UBXN2A: variants seen among roughly 807,000 people sequenced by gnomAD.
The protein encoded by UBXN2A is UBX domain-containing protein 2A.
Under a neutral mutation model 28.4 loss-of-function variants are expected in UBXN2A, and 28 were observed. That is an observed-to-expected ratio of 0.99 (90% CI 0.73 to 1.35). The LOEUF is 1.35. Ranked by LOEUF, UBXN2A falls within the 40% of genes most tolerant of loss-of-function variation. The probability of loss-of-function intolerance (pLI) is 0.00; values close to 1 mark genes in which losing one functional copy is unlikely to be tolerated. For missense variants in UBXN2A, 253 were observed against 297.9 expected (o/e 0.85, Z 1.11); for synonymous variants, 97 against 103.6 (o/e 0.94, Z 0.39).
At chr2:23,938,543 G>GCC (rs754560724), upstream of UBXN2A, among the ~76,000 whole-genome samples, 141 of 144,856 alleles carry the variant, frequency 9.7e-4, 2 homozygotes, top group South Asian at 1.8e-3. Context: ...AATCCCAGTG[G>GCC]CCCCCCCCTC....
intron 2 of UBXN2A, among the ~76,000 whole-genome samples, chr2:23,966,523 G>C (rs1172475626): frequency 2.0e-5 from 3 of 148,212 alleles, no homozygotes; most frequent in African/African-American, 7.5e-5. Flanking sequence ...CGTGATCTCA[G>C]CTCACTGCAA....
chr2:23,958,151 T>C (rs577920062), intron 1 of UBXN2A, 150 bp from the exon 2 acceptor site: 67 of 490,124 alleles, frequency 1.4e-4, no homozygotes, highest in Admixed American at 2.9e-4. Context: ...TTTTCTATCA[T>C]TGCTTTATTT....
chr2:23,967,889 T>C (rs574565679), intron 2 of UBXN2A, among the ~76,000 whole-genome samples: 1 of 152,130 alleles, frequency 6.6e-6, no homozygotes, highest in African/African-American at 2.4e-5. Flanking sequence ...GTTAAAGCAC[T>C]GCCCTGAGTA....
At chr2:23,963,029 G>C (rs2150846665) in intron 2 of UBXN2A, among the ~76,000 whole-genome samples, 1 of 152,344 alleles carries the variant, frequency 6.6e-6, no homozygotes. Flanking sequence ...AAGAGAGAGA[G>C]TTTGTGCAGG....
chr2:23,969,881 A>G (rs2150864431), intron 2 of UBXN2A, among the ~76,000 whole-genome samples: 1 of 152,330 alleles, frequency 6.6e-6, no homozygotes, highest in African/African-American at 2.4e-5. Flanking sequence ...TGAAGTGTGC[A>G]AAGGAACAAA....
At chr2:23,961,529 A>G (rs1706909712) in intron 2 of UBXN2A, among the ~76,000 whole-genome samples, 1 of 150,234 alleles carries the variant, frequency 6.7e-6, no homozygotes, top group Admixed American at 6.8e-5. Context: ...AAAAATGCAA[A>G]GAAAACTGCC....
At chr2:23,989,897 C>T (rs574431930) in intron 6 of UBXN2A, among the ~76,000 whole-genome samples, 74 of 152,136 alleles carry the variant, frequency 4.9e-4, no homozygotes, top group African/African-American at 1.7e-3. Context: ...AGAACCAGAC[C>T]TTGTCTCAAA....
intron 2 of UBXN2A, chr2:23,969,140 C>T (rs1040556489): frequency 2.0e-5 from 3 of 152,140 alleles, no homozygotes; most frequent in African/African-American, 7.2e-5. Context: ...ATCCGCCTGC[C>T]TCAGCCTCCC....
At chr2:23,992,520 G>A (rs532041363) in intron 6 of UBXN2A, among the ~76,000 whole-genome samples, 3 of 152,270 alleles carry the variant, frequency 2.0e-5, no homozygotes, top group Admixed American at 6.5e-5. Context: ...ACAATACCTC[G>A]GAAAGGAAGG....
intron 1 of UBXN2A, chr2:23,944,218 T>C (rs1250883335): frequency 8.9e-6 from 14 of 1,574,450 alleles, no homozygotes; most frequent in Non-Finnish European, 1.2e-5. Flanking sequence ...TTCCCTCTCA[T>C]GTATCATACC....
chr2:23,977,850 G>A (rs10171592), intron 4 of UBXN2A, among the ~76,000 whole-genome samples: 1,889 of 151,100 alleles, frequency 0.013, 36 homozygotes, highest in African/African-American at 0.044. Flanking sequence ...TTTTTTTCCC[G>A]AGATGGAGTC....
At chr2:23,974,250 C>T (rs1449982158) in intron 3 of UBXN2A, among the ~76,000 whole-genome samples, 1 of 150,930 alleles carries the variant, frequency 6.6e-6, no homozygotes, top group African/African-American at 2.4e-5. Flanking sequence ...ATCTCCTGAC[C>T]TCGTGATCCG....
intron 6 of UBXN2A, among the ~76,000 whole-genome samples, chr2:23,985,495 G>T (rs1057167952): frequency 1.3e-5 from 2 of 151,930 alleles, no homozygotes; most frequent in African/African-American, 4.8e-5. Context: ...CAAGTGATCT[G>T]CCCGCTTTGG....
intron 2 of UBXN2A, among the ~76,000 whole-genome samples, chr2:23,961,842 G>A (rs1466550147): frequency 8.2e-5 from 12 of 145,866 alleles, no homozygotes; most frequent in Admixed American, 2.1e-4. Context: ...CACCGCACCC[G>A]GCCTTTTTTT....
At chr2:23,992,071 A>G (rs1183674943) in intron 6 of UBXN2A, among the ~76,000 whole-genome samples, 1 of 152,180 alleles carries the variant, frequency 6.6e-6, no homozygotes, top group Admixed American at 6.6e-5. Flanking sequence ...TCCCTGGTTC[A>G]TGCGATTCTC....
upstream of UBXN2A, among the ~76,000 whole-genome samples, chr2:23,938,557 T>A (rs1455389420): frequency 8.2e-6 from 1 of 121,920 alleles, no homozygotes; most frequent in African/African-American, 2.9e-5. Context: ...CCCCCTCCCT[T>A]TTTTTTTTTT....
chr2:23,936,303 A>G (rs1281266425), upstream of UBXN2A, among the ~76,000 whole-genome samples: 1 of 152,246 alleles, frequency 6.6e-6, no homozygotes, highest in Non-Finnish European at 1.5e-5. Flanking sequence ...ATGCTATAAC[A>G]TGAATGAACT....
chr2:23,940,624 C>A lies in UBXN2A; in HGVS notation c.-39C>A, dbSNP rs1362763613. ...CTGCGGTGCCTGAGCTGAGTGAGGC[C>A]GAGGCCGGGAGGCCGTGCCCGGAGG... On this transcript the variant is annotated 5_prime_UTR_variant, in exon 1 of 7. Coordinates refer to ENST00000309033, the MANE Select transcript of UBXN2A (RefSeq NM_181713.4). 1 of 151,480 alleles carries A rather than the reference C, an allele frequency of 6.6e-6. No individual in the cohort carries two copies. The highest frequency in any genetic ancestry group is 1.5e-5 in the Non-Finnish European group (1 of 67,916). The allele number at this position is 151,480 out of a possible 1,614,324, so 9.4% of individuals were successfully genotyped here.
chr2:23,997,934 C>T (rs1222750249), intron 6 of UBXN2A, among the ~76,000 whole-genome samples: 1 of 151,636 alleles, frequency 6.6e-6, no homozygotes. Context: ...GCCTCAGCCT[C>T]CTGAGTAGCT....
Sources: gnomAD v4.1 joint callset for allele counts (sites outside exome capture counted in the v4.1 genomes callset) on GRCh38, gnomAD v4.1.1 for gene constraint, MANE v1.5 for transcripts, NCBI Gene and HGNC (gene_info 2026-07-23, HGNC 2026-07-21) for gene names.